LRRC4C: variants seen among roughly 807,000 people sequenced by gnomAD.
LRRC4C encodes leucine rich repeat containing 4C, also known as leucine-rich repeat-containing protein 4C.
LRRC4C carries 5 observed loss-of-function variants against 33.6 expected under a neutral mutation model. The ratio of observed to expected loss-of-function variants is 0.15; its 90% CI spans 0.08 to 0.31. The LOEUF (loss-of-function observed/expected upper bound fraction) is 0.31. Among genes scored for constraint, LRRC4C ranks in the 10% least tolerant of loss-of-function variants. The pLI, the probability that LRRC4C is intolerant of heterozygous loss-of-function variation, is 1.00. For missense variants in LRRC4C, 560 were observed against 796.7 expected (o/e 0.70, Z 3.58); for synonymous variants, 329 against 302.0 (o/e 1.09, Z -0.93).
At chr11:40,877,515 C>G (rs1413545017) in intron 2 of LRRC4C, among the ~76,000 whole-genome samples, 1 of 152,148 alleles carries the variant, frequency 6.6e-6, no homozygotes, top group Non-Finnish European at 1.5e-5. Flanking sequence ...ATATCCTCTG[C>G]TATTTCATCA....
chr11:40,656,302 C>T lies in LRRC4C; in HGVS notation c.-406-8024G>A, dbSNP rs527806039. On this transcript the variant is annotated intron_variant, in intron 2 of 6. Coordinates refer to ENST00000528697, the MANE Select transcript of LRRC4C (RefSeq NM_001258419.2). ...TCCCATTCTTGTTTTCTCCTTTTTT[C>T]CCTAATTTCCTCCTCTTTTTCACAC... 8.7e-5 allele frequency among the ~76,000 whole-genome samples: 13 copies of T among 149,820 alleles called. No individual in the cohort carries two copies. The East Asian group carries it at 2.6e-3, about 29-fold the overall frequency.
chr11:40,903,591 A>T (rs1318271041), intron 2 of LRRC4C, among the ~76,000 whole-genome samples: 1 of 152,206 alleles, frequency 6.6e-6, no homozygotes, highest in African/African-American at 2.4e-5. Flanking sequence ...CATTGAGAAC[A>T]ATTGTGATTC....
At chr11:41,147,361 C>G (rs1214033982) in intron 1 of LRRC4C, among the ~76,000 whole-genome samples, 1 of 152,170 alleles carries the variant, frequency 6.6e-6, no homozygotes, top group African/African-American at 2.4e-5. Context: ...AGGAAGTAAC[C>G]TGTACACCAA....
chr11:41,377,233 A>C (rs1180211808), intron 1 of LRRC4C, among the ~76,000 whole-genome samples: 1 of 152,122 alleles, frequency 6.6e-6, no homozygotes, highest in Non-Finnish European at 1.5e-5. Flanking sequence ...ACATTTATTA[A>C]CACTTTTGTG....
chr11:40,480,956 A>G (rs1185737828), intron 3 of LRRC4C, among the ~76,000 whole-genome samples: 1 of 151,944 alleles, frequency 6.6e-6, no homozygotes, highest in Non-Finnish European at 1.5e-5. Context: ...GGTTGTTTAA[A>G]GGGTCTATAT....
chr11:40,732,665 C>T (rs1947650926), intron 2 of LRRC4C, among the ~76,000 whole-genome samples: 1 of 152,184 alleles, frequency 6.6e-6, no homozygotes, highest in South Asian at 2.1e-4. Flanking sequence ...TCATTACCTT[C>T]ATCTTTATCA....
chr11:40,552,814 C>T (rs1483447066), intron 3 of LRRC4C, among the ~76,000 whole-genome samples: 4 of 152,112 alleles, frequency 2.6e-5, no homozygotes, highest in Non-Finnish European at 5.9e-5. Flanking sequence ...AAATGTTAAT[C>T]TATAACACCC....
intron 1 of LRRC4C, among the ~76,000 whole-genome samples, chr11:41,387,852 C>T (rs1953421894): frequency 6.6e-6 from 1 of 151,776 alleles, no homozygotes; most frequent in Non-Finnish European, 1.5e-5. Flanking sequence ...AACCATTCTC[C>T]TGGGATGTCA....
chr11:40,439,097 A>ATTT (rs200541047), intron 3 of LRRC4C, among the ~76,000 whole-genome samples: 1 of 134,738 alleles, frequency 7.4e-6, no homozygotes, highest in African/African-American at 2.8e-5. Flanking sequence ...CCCCCAGCTA[A>ATTT]TTTTTTTTTT....
intron 3 of LRRC4C, among the ~76,000 whole-genome samples, chr11:40,584,942 T>TA (rs1254099902): frequency 1.4e-4 from 12 of 87,364 alleles, no homozygotes; most frequent in Non-Finnish European, 2.0e-4. Flanking sequence ...AAAAACCAAT[T>TA]AAAAAAAAGA....
intron 5 of LRRC4C, among the ~76,000 whole-genome samples, chr11:40,158,932 A>T (rs1232132888): frequency 6.6e-6 from 1 of 152,218 alleles, no homozygotes; most frequent in Non-Finnish European, 1.5e-5. Flanking sequence ...GGTTGATTAA[A>T]ATTCATTTCT....
At chr11:40,652,007 T>G (rs1032558645) in intron 2 of LRRC4C, among the ~76,000 whole-genome samples, 4 of 152,218 alleles carry the variant, frequency 2.6e-5, no homozygotes, top group Non-Finnish European at 5.9e-5. Flanking sequence ...TTTGATCTTT[T>G]GACCATTCTT....
chr11:40,287,854 C>T (rs550151216), intron 4 of LRRC4C, among the ~76,000 whole-genome samples: 1 of 152,176 alleles, frequency 6.6e-6, no homozygotes, highest in Non-Finnish European at 1.5e-5. Flanking sequence ...ATGGCAGGAC[C>T]TTACCAAAAA....
chr11:40,525,256 C>A (rs1376272318), intron 3 of LRRC4C, among the ~76,000 whole-genome samples: 1 of 152,026 alleles, frequency 6.6e-6, no homozygotes, highest in African/African-American at 2.4e-5. Flanking sequence ...ACCATCCTGG[C>A]TAACACAGTG....
intron 2 of LRRC4C, among the ~76,000 whole-genome samples, chr11:40,775,945 C>T (rs1221552346): frequency 2.0e-5 from 3 of 151,696 alleles, no homozygotes; most frequent in Non-Finnish European, 2.9e-5. Flanking sequence ...GAGTTATGTT[C>T]TTTCTATGTT....
chr11:40,790,463 C>T (rs1056823650), intron 2 of LRRC4C, among the ~76,000 whole-genome samples: 1 of 152,176 alleles, frequency 6.6e-6, no homozygotes, highest in African/African-American at 2.4e-5. Context: ...GACTCCAACA[C>T]TTAACTAAAG....
intron 1 of LRRC4C, among the ~76,000 whole-genome samples, chr11:41,283,945 T>C (rs2136952474): frequency 6.6e-6 from 1 of 152,358 alleles, no homozygotes; most frequent in East Asian, 1.9e-4. Context: ...CATTGCATTG[T>C]AATTCATGAC....
chr11:41,297,015 G>T (rs974234491), intron 1 of LRRC4C, among the ~76,000 whole-genome samples: 6 of 152,032 alleles, frequency 3.9e-5, no homozygotes, highest in African/African-American at 1.4e-4. Context: ...GTTTGCTATG[G>T]TTTTCCCATA....
intron 1 of LRRC4C, among the ~76,000 whole-genome samples, chr11:41,387,030 T>G (rs375190699): frequency 6.6e-6 from 1 of 151,798 alleles, no homozygotes; most frequent in Non-Finnish European, 1.5e-5. Context: ...GTGTCCACCA[T>G]GTACTTTACA....
Sources: allele counts gnomAD v4.1 joint callset (sites outside exome capture counted in the v4.1 genomes callset), GRCh38; gene constraint gnomAD v4.1.1; transcripts MANE v1.5; gene names NCBI Gene and HGNC (gene_info 2026-07-23, HGNC 2026-07-21).